Variants in XKR6 observed in about 807,000 individuals in gnomAD.
The protein encoded by XKR6 is XK related 6.
XKR6 carries 22 observed loss-of-function variants against 56.7 expected under a neutral mutation model. That is an observed-to-expected ratio of 0.39 (90% CI 0.28 to 0.55). XKR6 has a LOEUF of 0.55. Ranked by LOEUF, XKR6 falls within the 20% of genes least tolerant of loss-of-function variation. The pLI is 0.66. For synonymous variants in XKR6, 524 were observed against 387.8 expected (o/e 1.35, Z -4.13); for missense variants, 852 against 889.0 (o/e 0.96, Z 0.53).
chr8:10,949,625 G>A (rs1303605450), intron 1 of XKR6, among the ~76,000 whole-genome samples: 1 of 152,250 alleles, frequency 6.6e-6, no homozygotes, highest in Admixed American at 6.5e-5. Context: ...AGGGGAATGT[G>A]ACTGAAGGCA....
chr8:11,189,246 C>G (rs532982100), intron 1 of XKR6, among the ~76,000 whole-genome samples: 1 of 152,294 alleles, frequency 6.6e-6, no homozygotes, highest in Non-Finnish European at 1.5e-5. Flanking sequence ...AATTTCCAAG[C>G]ATAATAAAAT....
At chr8:10,962,625 TTTG>T (rs1180209839) in intron 1 of XKR6, among the ~76,000 whole-genome samples, 1 of 152,054 alleles carries the variant, frequency 6.6e-6, no homozygotes, top group Non-Finnish European at 1.5e-5. Context: ...TGGTTTTTGT[TTTG>T]TTTTTTTTTG....
chr8:11,185,025 G>A (rs557602915), intron 1 of XKR6, among the ~76,000 whole-genome samples: 51 of 152,242 alleles, frequency 3.3e-4, no homozygotes, highest in Non-Finnish European at 5.6e-4. Context: ...TTCTCTCTGG[G>A]TACCTGGGTT....
intron 1 of XKR6, among the ~76,000 whole-genome samples, chr8:11,193,119 G>A (rs188944180): frequency 3.2e-4 from 48 of 152,318 alleles, no homozygotes; most frequent in African/African-American, 1.1e-3. Context: ...CAAGAGGGTG[G>A]TGAAGAAAAC....
intron 1 of XKR6, among the ~76,000 whole-genome samples, chr8:10,990,538 G>A (rs1797966713): frequency 6.6e-6 from 1 of 152,212 alleles, no homozygotes. Flanking sequence ...AACACACTGT[G>A]GCTGGAAGAT....
intron 1 of XKR6, among the ~76,000 whole-genome samples, chr8:11,191,700 A>AG (rs1382820012): frequency 7.4e-6 from 1 of 135,900 alleles, no homozygotes; most frequent in Non-Finnish European, 1.5e-5. Flanking sequence ...CAATGTCATG[A>AG]GAAAAAAAAA....
At position 11,137,749 on chromosome 8, in the gene XKR6, G is replaced by A. The variant is rs982693146; in HGVS notation, c.764+62827C>T. 3 of 455,262 alleles carry A rather than the reference G, an allele frequency of 6.6e-6. No individual in the cohort carries two copies. The Admixed American group carries it at 7.1e-5, about 11-fold the overall frequency. 28.2% of individuals were successfully genotyped at this position (455,262 alleles called of 1,614,324 possible). ...GAAGAAAACCAGTTGGCTCTGAATC[G>A]AATCCTGCTCCGGTCCTCTTTCTCT... On this transcript the variant is annotated intron_variant, in intron 1 of 2. Coordinates refer to ENST00000416569, the MANE Select transcript of XKR6 (RefSeq NM_173683.4).
intron 1 of XKR6, among the ~76,000 whole-genome samples, chr8:10,928,659 T>TCTC (rs1326502481): frequency 1.3e-5 from 2 of 152,126 alleles, no homozygotes; most frequent in African/African-American, 4.8e-5. Context: ...AGGCAAGTGA[T>TCTC]CTCATCCCAC....
chr8:11,083,682 C>G (rs1013134205), intron 1 of XKR6, among the ~76,000 whole-genome samples: 1 of 151,992 alleles, frequency 6.6e-6, no homozygotes, highest in African/African-American at 2.4e-5. Flanking sequence ...ACGTAAAAGT[C>G]AAAAAATCTG....
rs2117175310 is a variant in XKR6 at position 11,200,885 on chromosome 8, T to G, written c.455A>C (p.Asp152Ala). ...DVGTDLWLAL[D>A]YYRKGDYVYF... ...GACGTAGTCCCCCTTGCGGTAGTAG[T>G]CGAGGGCCAGCCACAGGTCGGTGCC... The change falls in exon 1 of 3, where the codon GAC becomes GCC. Residue 152 changes from aspartate (D) to alanine (A), a missense_variant. This residue lies in a region of XKR6 where 417 missense variants were observed against 355.2 expected (regional missense o/e 1.17). Coordinates refer to ENST00000416569, the MANE Select transcript of XKR6 (RefSeq NM_173683.4). This position sits in a 1 kb window ranked among gnomAD's most constrained non-coding sequence, Gnocchi z 6.4. The G allele has an allele frequency of 6.2e-7, 1 of 1,611,104 alleles. No homozygotes were observed. Among genetic ancestry groups the G allele is most frequent in the Middle Eastern group, 1.7e-4 (1 of 6,058 alleles).
At chr8:11,092,469 G>T (rs988549181) in intron 1 of XKR6, among the ~76,000 whole-genome samples, 2 of 152,166 alleles carry the variant, frequency 1.3e-5, no homozygotes, top group African/African-American at 2.4e-5. Context: ...CTAGGTTTAG[G>T]GGGGTAGGTG....
intron 1 of XKR6, among the ~76,000 whole-genome samples, chr8:11,032,060 G>C (rs1045559693): frequency 6.6e-6 from 1 of 152,206 alleles, no homozygotes. Flanking sequence ...CCCCCGTGGG[G>C]CAGGCAACAG....
chr8:11,088,971 G>A (rs931923063), intron 1 of XKR6, among the ~76,000 whole-genome samples: 5 of 152,236 alleles, frequency 3.3e-5, no homozygotes, highest in African/African-American at 4.8e-5. Context: ...AATGCATGAT[G>A]GATGGATTGA....
intron 1 of XKR6, among the ~76,000 whole-genome samples, chr8:11,154,051 A>C (rs1801387532): frequency 6.6e-6 from 1 of 152,204 alleles, no homozygotes; most frequent in South Asian, 2.1e-4. Context: ...GGCCTTGCCG[A>C]GAAGAGACAT....
chr8:11,021,092 T>G (rs559728742), intron 1 of XKR6, among the ~76,000 whole-genome samples: 1 of 152,070 alleles, frequency 6.6e-6, no homozygotes, highest in African/African-American at 2.4e-5. Context: ...CAAGCCTTAG[T>G]CTCCTCAGAT....
chr8:10,940,343 CTTCAGGGCTCCAGG>C (rs1173476606), intron 1 of XKR6, among the ~76,000 whole-genome samples: 1 of 152,200 alleles, frequency 6.6e-6, no homozygotes, highest in Non-Finnish European at 1.5e-5. Flanking sequence ...TAGCTCATGC[CTTCAGGGCTCCAGG>C]TTCAGGGCCC....
At chr8:11,008,611 G>A (rs1262423098) in intron 1 of XKR6, among the ~76,000 whole-genome samples, 1 of 151,672 alleles carries the variant, frequency 6.6e-6, no homozygotes, top group Non-Finnish European at 1.5e-5. Context: ...TAGTACATAC[G>A]ACCCCATTAC....
intron 1 of XKR6, among the ~76,000 whole-genome samples, chr8:11,095,299 T>C (rs879640018): frequency 6.6e-6 from 1 of 152,250 alleles, no homozygotes; most frequent in Non-Finnish European, 1.5e-5. Context: ...GCAATGAATC[T>C]TGGTTTTAAG....
chr8:11,122,121 G>A (rs1396561853), intron 1 of XKR6, among the ~76,000 whole-genome samples: 1 of 152,188 alleles, frequency 6.6e-6, no homozygotes, highest in African/African-American at 2.4e-5. Context: ...GGCCAATCCA[G>A]ATGAACTGCT....
Sources: allele counts gnomAD v4.1 joint callset (sites outside exome capture counted in the v4.1 genomes callset), GRCh38; gene constraint gnomAD v4.1.1; regional missense constraint gnomAD v4.1.1; non-coding constraint Gnocchi (gnomAD v3.1); transcripts MANE v1.5; gene names NCBI Gene and HGNC (gene_info 2026-07-23, HGNC 2026-07-21).